COL4A1: variants seen among roughly 807,000 people sequenced by gnomAD.
COL4A1 encodes the protein collagen type IV alpha 1 chain.
A neutral mutation model predicts 216.6 loss-of-function variants in COL4A1; 40 were observed. That is an observed-to-expected ratio of 0.18 (90% CI 0.14 to 0.24). The LOEUF (loss-of-function observed/expected upper bound fraction) is 0.24, where lower values mean the gene tolerates loss of function less well. COL4A1 is among the 10% of genes least tolerant of loss of function. COL4A1 has a pLI of 1.00. For synonymous variants in COL4A1, 839 were observed against 810.7 expected (o/e 1.03, Z -0.59); for missense variants, 1,628 against 2,196.8 (o/e 0.74, Z 5.18).
chr13:110,287,401 A>C (rs1883886171), intron 1 of COL4A1, among the ~76,000 whole-genome samples: 3 of 152,206 alleles, frequency 2.0e-5, no homozygotes, highest in Admixed American at 2.0e-4. Flanking sequence ...CCCACAAAGG[A>C]TCCAGTCCTA....
intron 1 of COL4A1, among the ~76,000 whole-genome samples, chr13:110,248,531 G>A (rs775607986): frequency 1.3e-5 from 2 of 151,904 alleles, no homozygotes; most frequent in African/African-American, 2.4e-5. Flanking sequence ...TCGCTCTGTG[G>A]CGCAGGCTGG....
At chr13:110,176,121 G>A (rs1877874056) in intron 36 of COL4A1, among the ~76,000 whole-genome samples, 1 of 152,236 alleles carries the variant, frequency 6.6e-6, no homozygotes, top group Admixed American at 6.5e-5. Flanking sequence ...TGGAGAAGCC[G>A]TCGTCTCTTA....
At chr13:110,151,715 C>T (rs906773462) in intron 51 of COL4A1, among the ~76,000 whole-genome samples, 2 of 152,138 alleles carry the variant, frequency 1.3e-5, no homozygotes, top group African/African-American at 4.8e-5. Flanking sequence ...AGCTGGGGCT[C>T]GGGATAGAGG....
intron 48 of COL4A1, 47 bp from the exon 49 acceptor site, chr13:110,161,416 A>G (rs1436200013): frequency 3.9e-6 from 6 of 1,556,114 alleles, no homozygotes; most frequent in Non-Finnish European, 3.5e-6. Flanking sequence ...TATAATTCAC[A>G]ATCTATCTCT....
rs760552362 is a variant in COL4A1, at chr13:110,162,455, A to G, written c.4250-13T>C. 3.8e-6 allele frequency: 6 copies of G among 1,598,308 alleles called. No individual in the cohort carries two copies. Among genetic ancestry groups the G allele is most frequent in the Non-Finnish European group, 5.1e-6 (6 of 1,166,016 alleles). On this transcript the variant is annotated splice_polypyrimidine_tract_variant and intron_variant, in intron 47 of 51. Coordinates refer to ENST00000375820, the MANE Select transcript of COL4A1 (RefSeq NM_001845.6). ...AATCCTCTTGGACCTGGAAGATAGGAGACAAATTAGTTTCCCTAATTACAA... is the reference window on the plus strand; with the variant it reads ...AATCCTCTTGGACCTGGAAGATAGGGGACAAATTAGTTTCCCTAATTACAA...
intron 1 of COL4A1, among the ~76,000 whole-genome samples, chr13:110,276,152 G>A (rs948375886): frequency 2.6e-5 from 4 of 152,062 alleles, no homozygotes; most frequent in African/African-American, 7.2e-5. Context: ...GAGGCCATGC[G>A]TGTGCCCGAG....
chr13:110,219,868 G>GTATATATA (rs1277407047), intron 2 of COL4A1, among the ~76,000 whole-genome samples: 1,742 of 100,958 alleles, frequency 0.017, 379 homozygotes, highest in Non-Finnish European at 0.025. Flanking sequence ...ATATATGTGT[G>GTATATATA]TGTATATATG....
intron 50 of COL4A1, among the ~76,000 whole-genome samples, chr13:110,153,342 C>A (rs76040948): frequency 1.3e-5 from 2 of 152,224 alleles, no homozygotes; most frequent in East Asian, 3.8e-4. Context: ...CCTGAGAACT[C>A]AGAGGAGGTG....
intron 1 of COL4A1, among the ~76,000 whole-genome samples, chr13:110,286,575 G>C (rs1377562899): frequency 2.0e-5 from 3 of 152,340 alleles, no homozygotes; most frequent in Non-Finnish European, 2.9e-5. Flanking sequence ...CTGGGATACA[G>C]AGGAGCCGCC....
At position 110,178,044 on chromosome 13, in the gene COL4A1, G is replaced by T. The variant is rs778792584; in HGVS notation, c.2626+20C>A. On this transcript the variant is annotated intron_variant, in intron 32 of 51. Coordinates refer to ENST00000375820, the MANE Select transcript of COL4A1 (RefSeq NM_001845.6). ...CATGTCTTCATGATGGATCCAGGCA[G>T]AAGTTCAAAAATCACTTACCTGGAA... The T allele has an allele frequency of 1.1e-5, 18 of 1,614,046 alleles. No individual in the cohort carries two copies. Among genetic ancestry groups the T allele is most frequent in the Non-Finnish European group, 1.5e-5 (18 of 1,180,044 alleles).
intron 2 of COL4A1, among the ~76,000 whole-genome samples, chr13:110,223,255 C>T (rs769823366): frequency 2.0e-4 from 30 of 152,276 alleles, no homozygotes; most frequent in Middle Eastern, 3.4e-3. Context: ...GAAACCACTG[C>T]TAAACATCCC....
intron 1 of COL4A1, among the ~76,000 whole-genome samples, chr13:110,265,094 C>T (rs777219203): frequency 2.6e-5 from 4 of 152,332 alleles, no homozygotes; most frequent in Middle Eastern, 3.4e-3. Flanking sequence ...GAGACCTTCT[C>T]GCTGCCTTCT....
At chr13:110,209,034 T>C in intron 11 of COL4A1, 144 bp from the exon 12 acceptor site, 1 of 904,034 alleles carries the variant, frequency 1.1e-6, no homozygotes, top group Non-Finnish European at 1.8e-6. Context: ...TTCTGGAAAG[T>C]AACGATCATG....
Position 110,213,915 on chromosome 13 carries a change from G to A in COL4A1, c.234+11C>T, listed in dbSNP as rs1879943098. 1 of 1,613,902 alleles carries A rather than the reference G, an allele frequency of 6.2e-7. No homozygotes were observed. The highest frequency in any genetic ancestry group is 2.2e-5 in the East Asian group (1 of 44,856). ...ACATCCACCCACCCCCAATCCCACA[G>A]CCGTGCTTACCTTTTGTCCTGGTGG... On this transcript the variant is annotated intron_variant, in intron 3 of 51. Transcript: ENST00000375820.
chr13:110,255,036 T>C (rs1013724162), intron 1 of COL4A1, among the ~76,000 whole-genome samples: 2 of 152,184 alleles, frequency 1.3e-5, no homozygotes, highest in Non-Finnish European at 2.9e-5. Context: ...CTAAGCCCAT[T>C]ACAAGGAAGG....
chr13:110,219,692 A>ATATATATGTATATATATGTG lies in COL4A1; in HGVS notation c.145-5678_145-5677insCACATATATATACATATATA, dbSNP rs1187843450. On this transcript the variant is annotated intron_variant, in intron 2 of 51. Transcript: ENST00000375820. ...TATATATATATGTGTATATATATGT[A>ATATATATGTATATATATGTG]TATATATGTATATACATATGTGTAT... 4.3e-5 allele frequency among the ~76,000 whole-genome samples: 4 copies of ATATATATGTATATATATGTG among 93,992 alleles called. No homozygotes were observed. The East Asian group carries it at 1.3e-3, about 31-fold the overall frequency. 61.7% of individuals were successfully genotyped at this position (93,992 alleles called of 152,430 possible).
In COL4A1 at chr13:110,297,448, GA is replaced by G. The variant is rs1414544112; in HGVS notation, c.84+9495del. On this transcript the variant is annotated intron_variant, in intron 1 of 51. Coordinates refer to ENST00000375820, the MANE Select transcript of COL4A1 (RefSeq NM_001845.6). ...TTATTATCCCTCATGGATAGATGGG[GA>G]AACTGAGGCACAAAGAAGTTAAGAA... Among the ~76,000 whole-genome samples the G allele has an allele frequency of 6.6e-5, 10 of 152,248 alleles. No homozygotes were observed. The East Asian group carries it at 1.9e-3, about 29-fold the overall frequency.
intron 2 of COL4A1, among the ~76,000 whole-genome samples, chr13:110,228,896 C>T (rs536484155): frequency 6.6e-6 from 1 of 152,146 alleles, no homozygotes; most frequent in Non-Finnish European, 1.5e-5. Flanking sequence ...ATGGAAAAAA[C>T]CACAGACAGT....
chr13:110,205,973 T>C (rs478111), intron 15 of COL4A1, among the ~76,000 whole-genome samples: 87,543 of 151,794 alleles, frequency 0.58, 26,175 homozygotes, highest in East Asian at 0.76. Context: ...TAAATGAGGG[T>C]TCTATGTAAG....
Sources: gnomAD v4.1 joint callset for allele counts (sites outside exome capture counted in the v4.1 genomes callset) on GRCh38, gnomAD v4.1.1 for gene constraint, MANE v1.5 for transcripts, NCBI Gene and HGNC (gene_info 2026-07-23, HGNC 2026-07-21) for gene names.